Variants in VWDE observed in about 807,000 individuals in gnomAD.
The protein encoded by VWDE is von Willebrand factor D and EGF domain-containing protein.
In VWDE, 207 loss-of-function variants were observed where a neutral mutation model predicts 178.4. That is an observed-to-expected ratio of 1.16 (90% CI 1.04 to 1.30). The LOEUF (loss-of-function observed/expected upper bound fraction) is 1.30, where lower values mean the gene tolerates loss of function less well. Ranked by LOEUF, VWDE falls within the 50% of genes most tolerant of loss-of-function variation. The pLI is 0.00. For synonymous variants in VWDE, 738 were observed against 651.4 expected, an observed-to-expected ratio of 1.13 and a Z score of -2.02; for missense variants, 2,287 against 1,901.3, an observed-to-expected ratio of 1.20 and a Z score of -3.77.
chr7:12,393,836 G>T, intron 1 of VWDE, 58 bp from the exon 2 acceptor site: 1 of 1,383,474 alleles, frequency 7.2e-7, no homozygotes, highest in Non-Finnish European at 9.6e-7. Context: ...ACATAGTTCG[G>T]TCCTCAATTA....
chr7:12,374,965 C>A (rs1481146970), intron 8 of VWDE, 45 bp downstream of exon 8: 2 of 1,502,890 alleles, frequency 1.3e-6, no homozygotes, highest in Non-Finnish European at 1.8e-6. Flanking sequence ...ATACACATTT[C>A]TTCTTAAAGC....
intron 16 of VWDE, among the ~76,000 whole-genome samples, chr7:12,358,523 C>T (rs1452866298): frequency 6.6e-6 from 1 of 152,052 alleles, no homozygotes; most frequent in East Asian, 1.9e-4. Context: ...AACAAATAGC[C>T]CCATTACATT....
Position 12,356,571 on chromosome 7 carries a change from A to G in VWDE, c.3526-241T>C, listed in dbSNP as rs568516824. Among the ~76,000 whole-genome samples, 136 of 152,302 alleles carry G rather than the reference A, an allele frequency of 8.9e-4. 2 individuals carry two copies. Among genetic ancestry groups the G allele is most frequent in the African/African-American group, 3.2e-3 (131 of 41,556 alleles). ...ATAATACTAAGGATAACTTTTCTAA[A>G]AAAAAAGTTACAAGATGATCAATTT... On this transcript the variant is annotated intron_variant, in intron 17 of 28. Transcript: ENST00000275358.
At chr7:12,374,653 CA>C (rs762214401) in intron 9 of VWDE, 35 bp downstream of exon 9, 3 of 1,405,954 alleles carry the variant, frequency 2.1e-6, no homozygotes, top group South Asian at 2.6e-5. Context: ...TCAAAGCAAA[CA>C]AAACTACTAA....
In VWDE at chr7:12,370,794, G is replaced by T; in HGVS notation, c.1658C>A (p.Ala553Asp). 2 of 1,551,072 alleles carry T rather than the reference G, an allele frequency of 1.3e-6. No homozygotes were observed. The highest frequency in any genetic ancestry group is 1.2e-5 in the South Asian group (1 of 84,042). ...AGTGTTTCTGTAATCTACACTAGGGGCTCTGATCGTTAGACTCATGCCCCA... is the reference window on the plus strand; with the variant it reads ...AGTGTTTCTGTAATCTACACTAGGGTCTCTGATCGTTAGACTCATGCCCCA... Reference protein sequence around the residue: ...GEWGMSLTIRAPSVDYRNTLG... With the variant: ...GEWGMSLTIRDPSVDYRNTLG... Residue 553 changes from alanine (A) to aspartate (D), a missense_variant, in exon 11 of 29, where the codon GCC (alanine) becomes GAC (aspartate). Ala to Asp is a moderately radical substitution (Grantham distance 126). Transcript: ENST00000275358.
At chr7:12,388,831 C>A in intron 3 of VWDE, 1 of 508,436 alleles carries the variant, frequency 2.0e-6, no homozygotes, top group African/African-American at 2.0e-5. Context: ...TTAATTAAAA[C>A]AGGAATGGAC....
At chr7:12,402,236 C>T (rs1784934301) in intron 1 of VWDE, among the ~76,000 whole-genome samples, 1 of 152,152 alleles carries the variant, frequency 6.6e-6, no homozygotes, top group East Asian at 1.9e-4. Flanking sequence ...CTGTGGTCAT[C>T]GCTGCATATA....
chr7:12,336,039 G>GA (rs1372542467), intron 27 of VWDE, 102 bp downstream of exon 27: 1 of 845,988 alleles, frequency 1.2e-6, no homozygotes, highest in Non-Finnish European at 1.7e-6. Flanking sequence ...CAGCATGCTG[G>GA]AGTTTTTTCC....
At chr7:12,360,379 A>G (rs1782507837) in intron 15 of VWDE, among the ~76,000 whole-genome samples, 1 of 152,194 alleles carries the variant, frequency 6.6e-6, no homozygotes, top group Non-Finnish European at 1.5e-5. Context: ...CTTGAATAAT[A>G]ATATTTTTAA....
At position 12,342,076 on chromosome 7, in the gene VWDE, C is replaced by T. The variant is rs1781362556; in HGVS notation, c.4253G>A (p.Gly1418Glu). 1.9e-6 allele frequency: 3 copies of T among 1,551,222 alleles called. No homozygotes were observed. The highest frequency in any genetic ancestry group is 1.2e-5 in the South Asian group (1 of 84,030). The change falls in exon 23 of 29, where the codon GGA (glycine) becomes GAA (glutamate). Residue 1418 changes from glycine (G) to glutamate (E), a missense_variant. Gly to Glu is a moderately conservative substitution (Grantham distance 98). Coordinates refer to ENST00000275358, the MANE Select transcript of VWDE (RefSeq NM_001135924.3). ...DICQCKPGWY[G>E]PTCSTALCDP... The stretch of plus-strand genomic sequence containing the variant: ...AATTTTACCTGTACTACAGGTGGGT[C>T]CATACCAGCCAGGTTTGCACTGGCA...
At chr7:12,334,435 T>C (rs1048992162) in intron 27 of VWDE, among the ~76,000 whole-genome samples, 6 of 126,366 alleles carry the variant, frequency 4.7e-5, no homozygotes, top group African/African-American at 1.9e-4. Flanking sequence ...TCCTTTAAGA[T>C]AAATGCAACA....
In VWDE at chr7:12,357,392, G is replaced by C. The variant is rs956081652; in HGVS notation, c.3398C>G (p.Ser1133Cys). The C allele has an allele frequency of 2.1e-5, 32 of 1,551,816 alleles. No homozygotes were observed. The highest frequency in any genetic ancestry group is 2.6e-5 in the Non-Finnish European group (30 of 1,147,068). Residue 1133 changes from serine to cysteine, a missense_variant, in exon 17 of 29, where the codon TCT becomes TGT. Coordinates refer to ENST00000275358, the MANE Select transcript of VWDE (RefSeq NM_001135924.3). ...GGAAACACTTGCCCCTTCAGGACCA[G>C]AGTCCAACGTAAAATGGATGTCAGA... ...EGSDIHFTLD[S>C]GPEGASVSSA... is the part of the protein sequence containing the mutation.
In VWDE at chr7:12,370,261, T is replaced by C; in HGVS notation, c.2045A>G (p.Asn682Ser). The C allele has an allele frequency of 6.4e-7, 1 of 1,551,162 alleles. No homozygotes were observed. Among genetic ancestry groups the C allele is most frequent in the Non-Finnish European group, 8.7e-7 (1 of 1,146,864 alleles). Reference protein sequence around the residue: ...INSDTLVREINKHTSPEEYNL... With the variant: ...INSDTLVREISKHTSPEEYNL... ...ATATTCTTCTGGAGATGTATGCTTG[T>C]TTATCTCTCTGACAAGAGTGTCTGA... The change falls in exon 12 of 29, where the codon AAC becomes AGC. Residue 682 changes from asparagine to serine, a missense_variant. Physicochemically the swap from Asn to Ser is conservative, Grantham distance 46 (BLOSUM62 1). Transcript: ENST00000275358.
intron 3 of VWDE, among the ~76,000 whole-genome samples, chr7:12,387,579 A>G (rs1019771371): frequency 4.6e-5 from 7 of 151,988 alleles, no homozygotes; most frequent in African/African-American, 1.7e-4. Context: ...ACACACACAC[A>G]CACATATATA....
At position 12,370,076 on chromosome 7, in the gene VWDE, A is replaced by C; in HGVS notation, c.2230T>G (p.Tyr744Asp). The change falls in exon 12 of 29, where the codon TAC becomes GAC. Residue 744 changes from tyrosine (Y) to aspartate (D), a missense_variant. Transcript: ENST00000275358. Reference sequence around the variant, plus strand: ...CGTTTCCATCTGTTTTGTCGATTGTACCTCATTTCTTGGCTGTGGCTTCCC... The same window carrying C: ...CGTTTCCATCTGTTTTGTCGATTGTCCCTCATTTCTTGGCTGTGGCTTCCC... ...GRGSHSQEMR[Y>D]NRQNRWKRQN... The C allele has an allele frequency of 1.3e-6, 2 of 1,551,440 alleles. No homozygotes were observed. The highest frequency in any genetic ancestry group is 2.0e-5 in the Admixed American group (1 of 50,976).
At chr7:12,375,441 A>T (rs1221740776) in intron 7 of VWDE, among the ~76,000 whole-genome samples, 1 of 152,072 alleles carries the variant, frequency 6.6e-6, no homozygotes, top group Admixed American at 6.6e-5. Context: ...TAATATATAC[A>T]TATGTACACA....
At chr7:12,352,880 C>T (rs1257068981) in intron 18 of VWDE, among the ~76,000 whole-genome samples, 1 of 152,120 alleles carries the variant, frequency 6.6e-6, no homozygotes. Context: ...TGATGCCCAC[C>T]AATTTTTTTT....
At chr7:12,344,108 A>G (rs1437711239) in intron 21 of VWDE, 87 bp downstream of exon 21, 1 of 1,109,680 alleles carries the variant, frequency 9.0e-7, no homozygotes, top group Non-Finnish European at 1.3e-6. Flanking sequence ...TATACACAGT[A>G]AAACTGAATT....
At chr7:12,386,138 C>T (rs1784088455) in intron 3 of VWDE, among the ~76,000 whole-genome samples, 1 of 151,958 alleles carries the variant, frequency 6.6e-6, no homozygotes, top group African/African-American at 2.4e-5. Context: ...TTCCATGAAA[C>T]ACAGAATTTT....
Sources: allele counts gnomAD v4.1 joint callset (sites outside exome capture counted in the v4.1 genomes callset), GRCh38; gene constraint gnomAD v4.1.1; transcripts MANE v1.5; gene names NCBI Gene and HGNC (gene_info 2026-07-23, HGNC 2026-07-21).